Variants in FGD4 observed in about 807,000 individuals in gnomAD.
FGD4 encodes FYVE, RhoGEF and PH domain-containing protein 4.
In FGD4, 42 loss-of-function variants were observed where a neutral mutation model predicts 102.0. The ratio of observed to expected loss-of-function variants is 0.41; its 90% CI spans 0.32 to 0.53. The LOEUF is 0.53. Ranked by LOEUF, FGD4 falls within the 20% of genes least tolerant of loss-of-function variation. The pLI, the probability that FGD4 is intolerant of heterozygous loss-of-function variation, is 0.21. For missense variants in FGD4, 902 were observed against 1,078.2 expected, an observed-to-expected ratio of 0.84 and a Z score of 2.29; for synonymous variants, 380 against 375.7, an observed-to-expected ratio of 1.01 and a Z score of -0.13.
Position 32,495,393 on chromosome 12 carries a change from T to G in FGD4, c.167-68744T>G, listed in dbSNP as rs138365265. Among the ~76,000 whole-genome samples, 629 of 152,238 alleles carry G rather than the reference T, an allele frequency of 4.1e-3. 6 individuals carry two copies. Among genetic ancestry groups the G allele is most frequent in the African/African-American group, 0.015 (609 of 41,538 alleles). ...CCCAGGGCATTTATGAGGTAAAACT[T>G]GCAGGGCAGATTGCTTTTCAGGGCT... On this transcript the variant is annotated intron_variant, in intron 1 of 16. Transcript: ENST00000534526.
At chr12:32,625,889 T>G (rs1186518921) in intron 14 of FGD4, 110 bp downstream of exon 14, 2 of 1,475,858 alleles carry the variant, frequency 1.4e-6, no homozygotes, top group Non-Finnish European at 1.9e-6. Flanking sequence ...CTTAATAAAT[T>G]TATTTTGGTG....
intron 1 of FGD4, among the ~76,000 whole-genome samples, chr12:32,411,269 G>T (rs928574609): frequency 6.6e-6 from 1 of 151,864 alleles, no homozygotes; most frequent in African/African-American, 2.4e-5. Flanking sequence ...GGACGCGGTG[G>T]CTCAAGCCTG....
intron 1 of FGD4, among the ~76,000 whole-genome samples, chr12:32,504,779 A>C (rs886751326): frequency 6.6e-6 from 1 of 152,234 alleles, no homozygotes; most frequent in South Asian, 2.1e-4. Context: ...ATGAACATTG[A>C]GTAGGCAGCA....
chr12:32,438,683 G>T (rs1378727313), intron 1 of FGD4, among the ~76,000 whole-genome samples: 8 of 151,158 alleles, frequency 5.3e-5, no homozygotes, highest in Admixed American at 5.3e-4. Flanking sequence ...GATCTCAACT[G>T]CAACCTCCAC....
At chr12:32,625,100 C>G in intron 13 of FGD4, 32 bp downstream of exon 13, 1 of 1,547,912 alleles carries the variant, frequency 6.5e-7, no homozygotes, top group South Asian at 1.1e-5. Context: ...ACTTCAACCT[C>G]TTTCATATCT....
intron 4 of FGD4, among the ~76,000 whole-genome samples, chr12:32,597,135 C>A (rs1406908615): frequency 6.6e-6 from 1 of 152,080 alleles, no homozygotes; most frequent in African/African-American, 2.4e-5. Flanking sequence ...AGGATTAATT[C>A]ATTCTTGACA....
intron 15 of FGD4, among the ~76,000 whole-genome samples, chr12:32,638,172 G>A (rs138159086): frequency 8.5e-5 from 13 of 152,244 alleles, no homozygotes; most frequent in Non-Finnish European, 2.9e-5. Flanking sequence ...GACCAGTGTG[G>A]GCAATGTAGT....
At chr12:32,633,492 C>T in intron 14 of FGD4, 57 bp from the exon 15 acceptor site, 5 of 1,539,012 alleles carry the variant, frequency 3.2e-6, no homozygotes, top group Non-Finnish European at 4.5e-6. Flanking sequence ...TAACTGATTA[C>T]TGCTTAAATC....
At chr12:32,454,539 A>G (rs1328786586) in intron 1 of FGD4, among the ~76,000 whole-genome samples, 2 of 152,236 alleles carry the variant, frequency 1.3e-5, no homozygotes, top group African/African-American at 4.8e-5. Flanking sequence ...GTTAGGGCCA[A>G]TCACTAGTCT....
intron 1 of FGD4, among the ~76,000 whole-genome samples, chr12:32,562,188 C>G (rs1159013127): frequency 6.6e-6 from 1 of 152,190 alleles, no homozygotes; most frequent in Non-Finnish European, 1.5e-5. Flanking sequence ...CCTTCGCCTA[C>G]ATTGTAGCAG....
chr12:32,616,201 C>G (rs139845733), intron 10 of FGD4, among the ~76,000 whole-genome samples: 252 of 152,264 alleles, frequency 1.7e-3, no homozygotes, highest in African/African-American at 5.8e-3. Context: ...CTGGGTCTAA[C>G]CAATTGCCTC....
intron 5 of FGD4, among the ~76,000 whole-genome samples, chr12:32,599,534 CTTTTTTTTTTTTTTTT>C (rs764106230): frequency 5.7e-5 from 2 of 35,352 alleles, no homozygotes; most frequent in Admixed American, 6.4e-4. Context: ...ACTAAGGCAT[CTTTTTTTTTTTTTTTT>C]TTTTTTTTTT....
chr12:32,402,622 A>G (rs1432740328), intron 1 of FGD4, among the ~76,000 whole-genome samples: 2 of 151,774 alleles, frequency 1.3e-5, no homozygotes, highest in Non-Finnish European at 2.9e-5. Flanking sequence ...TTTTAATTCA[A>G]AGAAAACCCA....
At chr12:32,513,929 A>G (rs1032322837) in intron 1 of FGD4, among the ~76,000 whole-genome samples, 4 of 152,242 alleles carry the variant, frequency 2.6e-5, no homozygotes, top group Non-Finnish European at 4.4e-5. Flanking sequence ...TACCATAGAA[A>G]TCCAATATAT....
intron 1 of FGD4, among the ~76,000 whole-genome samples, chr12:32,436,593 G>A (rs1052255754): frequency 2.6e-5 from 4 of 152,074 alleles, no homozygotes; most frequent in Admixed American, 1.3e-4. Flanking sequence ...TGCTTCTCCC[G>A]CTTTACTTTT....
intron 1 of FGD4, among the ~76,000 whole-genome samples, chr12:32,470,070 T>C (rs7309975): frequency 0.33 from 50,400 of 152,028 alleles, 9,066 homozygotes; most frequent in East Asian, 0.45. Context: ...TGAACAAATA[T>C]GTAGTAATTT....
At chr12:32,603,816 C>T (rs555880228) in intron 7 of FGD4, among the ~76,000 whole-genome samples, 2 of 151,878 alleles carry the variant, frequency 1.3e-5, no homozygotes, top group South Asian at 4.2e-4. Flanking sequence ...AATCCTCCCA[C>T]CGCAGCCTCT....
intron 1 of FGD4, among the ~76,000 whole-genome samples, chr12:32,457,157 C>T (rs1469234476): frequency 6.6e-6 from 1 of 152,132 alleles, no homozygotes; most frequent in Non-Finnish European, 1.5e-5. Context: ...TACATTATGT[C>T]ATTAGAAAGT....
chr12:32,591,663 G>GC (rs1381225860), intron 4 of FGD4, among the ~76,000 whole-genome samples: 1 of 152,196 alleles, frequency 6.6e-6, no homozygotes, highest in African/African-American at 2.4e-5. Flanking sequence ...TGCAGTGGGG[G>GC]CCCTTTGTTC....
Sources: allele counts gnomAD v4.1 joint callset (sites outside exome capture counted in the v4.1 genomes callset), GRCh38; gene constraint gnomAD v4.1.1; transcripts MANE v1.5; gene names NCBI Gene and HGNC (gene_info 2026-07-23, HGNC 2026-07-21).